Variants in LRRC1 observed in about 807,000 individuals in gnomAD.
LRRC1 encodes the protein leucine-rich repeat-containing protein 1.
In LRRC1, 28 loss-of-function variants were observed where a neutral mutation model predicts 69.9. The ratio of observed to expected loss-of-function variants is 0.40; its 90% CI spans 0.30 to 0.55. LRRC1 has a LOEUF of 0.55. LRRC1 is among the 20% of genes least tolerant of loss of function. LRRC1 has a pLI of 0.47. For missense variants in LRRC1, 498 were observed against 609.0 expected (o/e 0.82, Z 1.92); for synonymous variants, 236 against 240.2 (o/e 0.98, Z 0.16).
At chr6:53,808,508 C>A (rs1198243860) in intron 1 of LRRC1, among the ~76,000 whole-genome samples, 1 of 152,278 alleles carries the variant, frequency 6.6e-6, no homozygotes, top group African/African-American at 2.4e-5. Context: ...GCTTTAAGCA[C>A]TTCCTGTGAT....
intron 1 of LRRC1, among the ~76,000 whole-genome samples, chr6:53,837,174 G>C (rs1765636065): frequency 6.8e-6 from 1 of 147,736 alleles, no homozygotes; most frequent in African/African-American, 2.5e-5. Flanking sequence ...ATTCTTTCAA[G>C]CACATTTTTA....
At chr6:53,875,049 G>A (rs1174796053) in intron 2 of LRRC1, among the ~76,000 whole-genome samples, 2 of 152,198 alleles carry the variant, frequency 1.3e-5, no homozygotes, top group Non-Finnish European at 2.9e-5. Context: ...AAGAGGAGGA[G>A]AGATGTTGAA....
intron 7 of LRRC1, among the ~76,000 whole-genome samples, chr6:53,899,280 T>C (rs764598115): frequency 5.9e-5 from 9 of 152,206 alleles, no homozygotes; most frequent in Non-Finnish European, 1.0e-4. Context: ...AGCAATTGCA[T>C]TGATGTTTGT....
At chr6:53,902,425 G>A (rs1157018829) in intron 8 of LRRC1, among the ~76,000 whole-genome samples, 2 of 152,090 alleles carry the variant, frequency 1.3e-5, no homozygotes, top group African/African-American at 4.8e-5. Flanking sequence ...ATTGCTGACC[G>A]TTTTTGATGT....
chr6:53,884,123 A>G (rs1767391556), intron 4 of LRRC1: 4 of 634,860 alleles, frequency 6.3e-6, no homozygotes, highest in Admixed American at 2.7e-5. Flanking sequence ...GTATGGTATC[A>G]GTTGCAGAGA....
chr6:53,884,149 A>G, intron 4 of LRRC1: 1 of 612,082 alleles, frequency 1.6e-6, no homozygotes, highest in Non-Finnish European at 2.9e-6. Flanking sequence ...GTGGTATTTT[A>G]TTGTGAATTT....
chr6:53,826,315 A>G (rs939412758), intron 1 of LRRC1, among the ~76,000 whole-genome samples: 4 of 151,618 alleles, frequency 2.6e-5, no homozygotes, highest in Admixed American at 6.6e-5. Flanking sequence ...CTAGAGCCTA[A>G]TTTTGGTTTA....
chr6:53,851,062 A>G (rs998732367), intron 2 of LRRC1, among the ~76,000 whole-genome samples: 11 of 152,034 alleles, frequency 7.2e-5, no homozygotes, highest in Admixed American at 2.6e-4. Flanking sequence ...TGACCACTAG[A>G]TCATCTGCTA....
At chr6:53,865,215 G>A (rs913507483) in intron 2 of LRRC1, among the ~76,000 whole-genome samples, 2 of 152,104 alleles carry the variant, frequency 1.3e-5, no homozygotes, top group African/African-American at 4.8e-5. Flanking sequence ...ATGTAATCTT[G>A]CTTTTGCATT....
intron 2 of LRRC1, among the ~76,000 whole-genome samples, chr6:53,853,124 A>G (rs7749635): frequency 0.37 from 56,091 of 151,468 alleles, 10,799 homozygotes; most frequent in East Asian, 0.64. Context: ...AGTGTCTTTT[A>G]TAAAGGCACT....
At chr6:53,846,381 C>G (rs1293674589) in intron 2 of LRRC1, among the ~76,000 whole-genome samples, 1 of 152,198 alleles carries the variant, frequency 6.6e-6, no homozygotes, top group Non-Finnish European at 1.5e-5. Flanking sequence ...CATATGGTCT[C>G]TTCCCCAGAA....
At chr6:53,813,659 A>G (rs1764867030) in intron 1 of LRRC1, among the ~76,000 whole-genome samples, 1 of 150,528 alleles carries the variant, frequency 6.6e-6, no homozygotes, top group Non-Finnish European at 1.5e-5. Context: ...TGTGAGCTGT[A>G]GGAATCAGGT....
At chr6:53,860,688 A>C (rs1336678294) in intron 2 of LRRC1, among the ~76,000 whole-genome samples, 2 of 152,154 alleles carry the variant, frequency 1.3e-5, no homozygotes, top group Non-Finnish European at 2.9e-5. Context: ...CCCCATCCGC[A>C]ACTAAACAAA....
intron 4 of LRRC1, among the ~76,000 whole-genome samples, chr6:53,888,534 T>C (rs1030830515): frequency 6.6e-6 from 1 of 152,230 alleles, no homozygotes; most frequent in African/African-American, 2.4e-5. Flanking sequence ...CAAGTCGATC[T>C]ACAGACTCAT....
intron 7 of LRRC1, among the ~76,000 whole-genome samples, chr6:53,897,570 A>G (rs985140580): frequency 3.3e-5 from 5 of 152,206 alleles, no homozygotes; most frequent in Admixed American, 3.3e-4. Context: ...ATTTGTAAAT[A>G]TAGTAAATAT....
intron 2 of LRRC1, 41 bp downstream of exon 2, chr6:53,842,268 G>A (rs761536784): frequency 4.4e-6 from 6 of 1,370,454 alleles, no homozygotes; most frequent in Non-Finnish European, 5.2e-6. Flanking sequence ...TGTCTCTTCA[G>A]ATGCTGGGGG....
chr6:53,838,812 T>G (rs994561811), intron 1 of LRRC1, among the ~76,000 whole-genome samples: 13 of 152,226 alleles, frequency 8.5e-5, no homozygotes, highest in Admixed American at 3.9e-4. Flanking sequence ...CCTCATCATC[T>G]TGTATAGCTA....
chr6:53,879,136 G>T lies in LRRC1; in HGVS notation c.356+65G>T, dbSNP rs1041127888. ...GTATCTTTTTTGAGAGCCAAGCGGA[G>T]AACACAGTCAGGTTAACCATCTTGG... On this transcript the variant is annotated intron_variant, in intron 3 of 13. Transcript: ENST00000370888. 2.7e-6 allele frequency: 3 copies of T among 1,108,740 alleles called. No individual in the cohort carries two copies. The African/African-American group carries it at 4.6e-5, about 17-fold the overall frequency. 68.7% of individuals were successfully genotyped at this position (1,108,740 alleles called of 1,614,324 possible).
rs747281674 is a variant in LRRC1 at position 53,795,412 on chromosome 6, C to G, written c.156C>G (p.Pro52=). 6.2e-6 allele frequency: 10 copies of G among 1,610,818 alleles called. No homozygotes were observed. The highest frequency in any genetic ancestry group is 5.3e-5 in the African/African-American group (4 of 74,910). ...ACGCCAACCAGCTCCGCGAGCTGCCCGAGGTAAGGGTCCGGCCTCACCTGA... is the reference window on the plus strand; with the variant it reads ...ACGCCAACCAGCTCCGCGAGCTGCCGGAGGTAAGGGTCCGGCCTCACCTGA... ...LLDANQLREL[P]EQFFQLVKLR... Residue 52 remains proline (P), a synonymous_variant, in exon 1 of 14, where the codon CCC becomes CCG. Coordinates refer to ENST00000370888, the MANE Select transcript of LRRC1 (RefSeq NM_018214.5).
Sources: allele counts gnomAD v4.1 joint callset (sites outside exome capture counted in the v4.1 genomes callset), GRCh38; gene constraint gnomAD v4.1.1; transcripts MANE v1.5; gene names NCBI Gene and HGNC (gene_info 2026-07-23, HGNC 2026-07-21).